The following ZBTB20 variants were observed in gnomAD, a reference collection of about 807,000 sequenced individuals.
ZBTB20 encodes zinc finger and BTB domain containing 20, also known as zinc finger and BTB domain-containing protein 20.
ZBTB20 carries 9 observed loss-of-function variants against 56.9 expected under a neutral mutation model. That is an observed-to-expected ratio of 0.16 (90% confidence interval 0.10 to 0.28). The LOEUF (loss-of-function observed/expected upper bound fraction) is 0.28. ZBTB20 is among the 10% of genes least tolerant of loss of function. The pLI is 1.00. For missense variants in ZBTB20, 655 were observed against 1,003.0 expected (o/e 0.65, Z 4.69); for synonymous variants, 417 against 420.7 (o/e 0.99, Z 0.11).
At chr3:114,565,938 ATTAT>A (rs1379316867) in intron 6 of ZBTB20, among the ~76,000 whole-genome samples, 1 of 151,970 alleles carries the variant, frequency 6.6e-6, no homozygotes, top group African/African-American at 2.4e-5. Context: ...AATTATTATT[ATTAT>A]TTTTTCCTGC....
intron 2 of ZBTB20, among the ~76,000 whole-genome samples, chr3:114,999,880 C>G (rs2079176752): frequency 6.6e-6 from 1 of 151,660 alleles, no homozygotes; most frequent in African/African-American, 2.4e-5. Flanking sequence ...AAACAATTCT[C>G]AATGATAACT....
chr3:115,064,288 C>T (rs1011960822), intron 2 of ZBTB20, among the ~76,000 whole-genome samples: 6 of 152,000 alleles, frequency 3.9e-5, no homozygotes, highest in Admixed American at 3.9e-4. Context: ...CTCACTTGGA[C>T]GTAGCATACC....
intron 1 of ZBTB20, among the ~76,000 whole-genome samples, chr3:115,084,557 T>C (rs1322322402): frequency 6.6e-6 from 1 of 151,800 alleles, no homozygotes; most frequent in Non-Finnish European, 1.5e-5. Flanking sequence ...TGGAAAAATA[T>C]GAGATTTGTT....
intron 2 of ZBTB20, among the ~76,000 whole-genome samples, chr3:115,025,785 T>G (rs1003212065): frequency 2.0e-5 from 3 of 150,282 alleles, no homozygotes; most frequent in Non-Finnish European, 4.5e-5. Context: ...TTCTCAATTT[T>G]CCTACTACAT....
intron 5 of ZBTB20, among the ~76,000 whole-genome samples, chr3:114,777,594 A>G (rs1457692637): frequency 6.6e-6 from 1 of 152,236 alleles, no homozygotes; most frequent in Admixed American, 6.5e-5. Flanking sequence ...GTCAGGAAAC[A>G]ACAGATGCTG....
chr3:115,063,681 ACAAACACACAC>A (rs2082098975), intron 2 of ZBTB20, among the ~76,000 whole-genome samples: 1 of 150,914 alleles, frequency 6.6e-6, no homozygotes, highest in East Asian at 2.0e-4. Flanking sequence ...ACACACACAC[ACAAACACACAC>A]ACACAGTTTA....
At chr3:114,606,986 T>C (rs1467126392) in intron 6 of ZBTB20, among the ~76,000 whole-genome samples, 2 of 151,750 alleles carry the variant, frequency 1.3e-5, no homozygotes, top group Admixed American at 6.6e-5. Flanking sequence ...TAGTCCCAGC[T>C]ACTTGGGAGG....
At chr3:114,444,813 T>C (rs1337446910) in intron 7 of ZBTB20, among the ~76,000 whole-genome samples, 1 of 152,182 alleles carries the variant, frequency 6.6e-6, no homozygotes, top group Non-Finnish European at 1.5e-5. Context: ...ATGCAATATA[T>C]AGTACCATTA....
At chr3:114,990,503 G>A (rs952121608) in intron 2 of ZBTB20, among the ~76,000 whole-genome samples, 1 of 152,164 alleles carries the variant, frequency 6.6e-6, no homozygotes, top group Admixed American at 6.6e-5. Flanking sequence ...GATTCGGTTT[G>A]CCAGTATTTT....
intron 2 of ZBTB20, among the ~76,000 whole-genome samples, chr3:115,039,486 C>T (rs1316913147): frequency 2.0e-5 from 3 of 151,858 alleles, no homozygotes; most frequent in Non-Finnish European, 4.4e-5. Flanking sequence ...GAATTGCTCA[C>T]AGATGACGTG....
At chr3:114,424,410 A>T (rs2089463911) in intron 7 of ZBTB20, among the ~76,000 whole-genome samples, 1 of 152,214 alleles carries the variant, frequency 6.6e-6, no homozygotes, top group South Asian at 2.1e-4. Flanking sequence ...CTCCATTTAC[A>T]TGCCAGGATT....
chr3:114,940,307 T>G (rs1448524003), intron 3 of ZBTB20, among the ~76,000 whole-genome samples: 1 of 146,508 alleles, frequency 6.8e-6, no homozygotes, highest in Non-Finnish European at 1.5e-5. Flanking sequence ...TCAGACTCTC[T>G]TCACTATGCA....
At chr3:114,635,000 T>C (rs1388670159) in intron 6 of ZBTB20, among the ~76,000 whole-genome samples, 1 of 152,182 alleles carries the variant, frequency 6.6e-6, no homozygotes, top group Non-Finnish European at 1.5e-5. Context: ...CTGAGGTTAT[T>C]CTTAGATGAG....
At chr3:114,934,046 C>T (rs921690560) in intron 3 of ZBTB20, among the ~76,000 whole-genome samples, 1 of 152,158 alleles carries the variant, frequency 6.6e-6, no homozygotes, top group African/African-American at 2.4e-5. Flanking sequence ...CAGCACCTCT[C>T]CATCTCTGGA....
chr3:115,123,429 G>C (rs1385106628), intron 1 of ZBTB20, among the ~76,000 whole-genome samples: 1 of 152,058 alleles, frequency 6.6e-6, no homozygotes, highest in African/African-American at 2.4e-5. Flanking sequence ...ACAGAGAATA[G>C]AAAACAAAAG....
chr3:114,721,458 A>G (rs1410956037), intron 5 of ZBTB20, among the ~76,000 whole-genome samples: 10 of 152,186 alleles, frequency 6.6e-5, no homozygotes, highest in Admixed American at 5.9e-4. Context: ...TTCTAGAGAC[A>G]TTGTGGAGGA....
intron 6 of ZBTB20, among the ~76,000 whole-genome samples, chr3:114,610,263 C>T (rs1350602147): frequency 6.6e-6 from 1 of 152,222 alleles, no homozygotes; most frequent in African/African-American, 2.4e-5. Context: ...ACAGAGAATG[C>T]ATAACAGCTT....
At chr3:114,416,226 A>G (rs958730445) in intron 7 of ZBTB20, among the ~76,000 whole-genome samples, 1 of 151,994 alleles carries the variant, frequency 6.6e-6, no homozygotes, top group Admixed American at 6.6e-5. Flanking sequence ...GAATCAAGTC[A>G]TAAAAGAACT....
chr3:114,463,496 A>G (rs2092416690), intron 7 of ZBTB20, among the ~76,000 whole-genome samples: 1 of 152,204 alleles, frequency 6.6e-6, no homozygotes, highest in African/African-American at 2.4e-5. Flanking sequence ...CAGAATTTAC[A>G]ATGTTTCCAT....
Sources: gnomAD v4.1 joint callset for allele counts (sites outside exome capture counted in the v4.1 genomes callset) on GRCh38, gnomAD v4.1.1 for gene constraint, MANE v1.5 for transcripts, NCBI Gene and HGNC (gene_info 2026-07-23, HGNC 2026-07-21) for gene names.